Variants in SORCS1 observed in about 807,000 individuals in gnomAD.
SORCS1 encodes the protein sortilin related VPS10 domain containing receptor 1.
In SORCS1, 60 loss-of-function variants were observed where a neutral mutation model predicts 146.1. The ratio of observed to expected loss-of-function variants is 0.41; its 90% CI spans 0.33 to 0.51. The LOEUF (loss-of-function observed/expected upper bound fraction) is 0.51. Among genes scored for constraint, SORCS1 ranks in the 20% least tolerant of loss-of-function variants. SORCS1 has a pLI of 0.21. For synonymous variants in SORCS1, 637 were observed against 584.0 expected (o/e 1.09, Z -1.31); for missense variants, 1,352 against 1,487.6 (o/e 0.91, Z 1.50).
intron 1 of SORCS1, among the ~76,000 whole-genome samples, chr10:107,146,686 A>C (rs1968358019): frequency 6.6e-6 from 1 of 152,144 alleles, no homozygotes. Context: ...TTAAGAGCTG[A>C]GCTTTTCAGA....
intron 2 of SORCS1, among the ~76,000 whole-genome samples, chr10:106,897,333 A>G (rs1177562310): frequency 6.6e-6 from 1 of 152,118 alleles, no homozygotes; most frequent in East Asian, 1.9e-4. Context: ...CCTGGCCCCC[A>G]AAACTGTTTA....
chr10:107,068,588 C>T (rs376168551), intron 1 of SORCS1, among the ~76,000 whole-genome samples: 4 of 152,050 alleles, frequency 2.6e-5, no homozygotes, highest in Non-Finnish European at 5.9e-5. Flanking sequence ...CATGAACTGC[C>T]GAGCATGGTG....
At position 106,909,041 on chromosome 10, in the gene SORCS1, G is replaced by A. The variant is rs552812344; in HGVS notation, c.626+47472C>T. Among the ~76,000 whole-genome samples, 3 of 152,246 alleles carry A rather than the reference G, an allele frequency of 2.0e-5. No individual in the cohort carries two copies. In the East Asian group the frequency reaches 5.8e-4, roughly 29 times the overall value. ...TCTTCCAAGGTCAGCTCTTTCTTGAGATGCACACCTCAGCTAACCACACAA... is the reference window on the plus strand; with the variant it reads ...TCTTCCAAGGTCAGCTCTTTCTTGAAATGCACACCTCAGCTAACCACACAA... On this transcript the variant is annotated intron_variant, in intron 2 of 25. Transcript: ENST00000263054.
intron 1 of SORCS1, among the ~76,000 whole-genome samples, chr10:107,024,010 C>T (rs937708923): frequency 6.6e-6 from 1 of 151,994 alleles, no homozygotes; most frequent in Non-Finnish European, 1.5e-5. Flanking sequence ...CACGTCTCTA[C>T]TAAAGACAGA....
chr10:107,112,413 A>G (rs1565059615), intron 1 of SORCS1, among the ~76,000 whole-genome samples: 1 of 152,122 alleles, frequency 6.6e-6, no homozygotes, highest in Non-Finnish European at 1.5e-5. Context: ...AAAAAGAAAG[A>G]AAACAAAGCA....
chr10:107,030,117 T>C (rs1958584919), intron 1 of SORCS1, among the ~76,000 whole-genome samples: 1 of 152,174 alleles, frequency 6.6e-6, no homozygotes, highest in Admixed American at 6.6e-5. Flanking sequence ...TCAGGAGTGG[T>C]CTACTCCATG....
chr10:106,819,043 AAT>A (rs1947882622), intron 3 of SORCS1, among the ~76,000 whole-genome samples: 1 of 152,222 alleles, frequency 6.6e-6, no homozygotes, highest in South Asian at 2.1e-4. Context: ...TCTGGAACAA[AAT>A]AGGCATTTAA....
chr10:107,144,402 T>C (rs1968119508), intron 1 of SORCS1, among the ~76,000 whole-genome samples: 1 of 152,222 alleles, frequency 6.6e-6, no homozygotes, highest in Non-Finnish European at 1.5e-5. Context: ...AACTCAAAAC[T>C]GTTGGGCACA....
In SORCS1 at chr10:106,682,900, G is replaced by A. The variant is rs1589654856; in HGVS notation, c.1561-3166C>T. On this transcript the variant is annotated intron_variant, in intron 10 of 25. Coordinates refer to ENST00000263054, the MANE Select transcript of SORCS1 (RefSeq NM_052918.5). ...CCAATGCCAGCAGCTGACCTACAGA[G>A]GACAGAATGACCAGCACACATGCTT... 3.3e-5 allele frequency among the ~76,000 whole-genome samples: 5 copies of A among 152,302 alleles called. No homozygotes were observed. In the East Asian group the frequency reaches 9.7e-4, roughly 29 times the overall value.
chr10:106,708,310 G>A (rs1854685918), intron 7 of SORCS1, among the ~76,000 whole-genome samples: 1 of 151,902 alleles, frequency 6.6e-6, no homozygotes, highest in African/African-American at 2.4e-5. Context: ...AAGTACACAG[G>A]GTGGTAGGCA....
intron 2 of SORCS1, among the ~76,000 whole-genome samples, chr10:106,840,861 A>AT (rs1334506432): frequency 0.013 from 1,555 of 121,638 alleles, 27 homozygotes; most frequent in African/African-American, 0.046. Context: ...ATATATATAT[A>AT]TATTTTTTTT....
intron 1 of SORCS1, among the ~76,000 whole-genome samples, chr10:107,026,401 T>C (rs1958406713): frequency 6.6e-6 from 1 of 151,962 alleles, no homozygotes; most frequent in Non-Finnish European, 1.5e-5. Context: ...AGGCGGATCA[T>C]GAGGTCAGGA....
chr10:106,739,176 T>C (rs1253424643), intron 5 of SORCS1, among the ~76,000 whole-genome samples: 1 of 152,184 alleles, frequency 6.6e-6, no homozygotes, highest in Non-Finnish European at 1.5e-5. Context: ...TGGCCCACTC[T>C]TCCCCTGGGG....
chr10:106,967,964 G>A (rs1275957565), intron 1 of SORCS1, among the ~76,000 whole-genome samples: 1 of 151,788 alleles, frequency 6.6e-6, no homozygotes, highest in Non-Finnish European at 1.5e-5. Flanking sequence ...CAGCGCTTTG[G>A]GAGGCCGAGG....
Position 106,751,058 on chromosome 10 carries a change from CAAAAAAAAAAAAAAAAAAAA to C in SORCS1, c.959+10510_959+10529del, listed in dbSNP as rs35691571. ...TGGGCGACAGGGTGAGACTCCGTCTCAAAAAAAAAAAAAAAAAAAAAAAAAAAAAAAAAAAATGCGGAGGA... is the reference window on the plus strand; with the variant it reads ...TGGGCGACAGGGTGAGACTCCGTCTCAAAAAAAAAAAAAAAATGCGGAGGA... On this transcript the variant is annotated intron_variant, in intron 5 of 25. Transcript: ENST00000263054. 3.6e-4 allele frequency among the ~76,000 whole-genome samples: 8 copies of C among 22,444 alleles called. 1 individual carries two copies. Among genetic ancestry groups the C allele is most frequent in the African/African-American group, 7.6e-4 (6 of 7,878 alleles). 14.7% of individuals were successfully genotyped at this position (22,444 alleles called of 152,430 possible).
At chr10:107,049,286 G>A (rs1564971974) in intron 1 of SORCS1, among the ~76,000 whole-genome samples, 1 of 107,436 alleles carries the variant, frequency 9.3e-6, no homozygotes, top group African/African-American at 3.6e-5. Flanking sequence ...GGGGGAGGGG[G>A]GAGGGATAGC....
At chr10:106,840,147 C>CATAG (rs1948961982) in intron 2 of SORCS1, among the ~76,000 whole-genome samples, 1 of 152,132 alleles carries the variant, frequency 6.6e-6, no homozygotes, top group African/African-American at 2.4e-5. Flanking sequence ...CTACAGCTTC[C>CATAG]ATAGATAGTG....
intron 2 of SORCS1, among the ~76,000 whole-genome samples, chr10:106,846,117 A>G (rs1168950839): frequency 0.013 from 639 of 50,914 alleles, 42 homozygotes; most frequent in South Asian, 0.043. Context: ...CAATTCTGTG[A>G]AGAAAGTCAT....
chr10:107,002,585 T>C (rs937709473), intron 1 of SORCS1, among the ~76,000 whole-genome samples: 5 of 152,186 alleles, frequency 3.3e-5, no homozygotes, highest in Non-Finnish European at 5.9e-5. Context: ...TAAGAACACA[T>C]AGCATAGCTT....
Sources: gnomAD v4.1 joint callset for allele counts (sites outside exome capture counted in the v4.1 genomes callset) on GRCh38, gnomAD v4.1.1 for gene constraint, MANE v1.5 for transcripts, NCBI Gene and HGNC (gene_info 2026-07-23, HGNC 2026-07-21) for gene names.